SLCO1A2: variants seen among roughly 807,000 people sequenced by gnomAD.
The protein encoded by SLCO1A2 is OATP-1.
In SLCO1A2, 67 loss-of-function variants were observed where a neutral mutation model predicts 69.0. That is an observed-to-expected ratio of 0.97 (90% CI 0.80 to 1.19). The LOEUF (loss-of-function observed/expected upper bound fraction) is 1.19, where lower values mean the gene tolerates loss of function less well. SLCO1A2 is among the 50% of genes most tolerant of loss of function. SLCO1A2 has a pLI of 0.00. For synonymous variants in SLCO1A2, 260 were observed against 265.9 expected, an observed-to-expected ratio of 0.98 and a Z score of 0.22; for missense variants, 787 against 793.7, an observed-to-expected ratio of 0.99 and a Z score of 0.10.
intron 8 of SLCO1A2, among the ~76,000 whole-genome samples, chr12:21,299,949 T>C (rs929307100): frequency 1.5e-4 from 23 of 148,884 alleles, no homozygotes; most frequent in Non-Finnish European, 3.4e-4. Flanking sequence ...CTCTCTCTCA[T>C]ATATATATGT....
rs1198027310 is a variant in SLCO1A2, at chr12:21,314,534, G to C, written c.335+15C>G. ...GAAATTTGACCACCCAAAATTATCA[G>C]ACTGGAGTACTTACTGGTTCATGAG... On this transcript the variant is annotated intron_variant, in intron 4 of 14. Coordinates refer to ENST00000683939, the MANE Select transcript of SLCO1A2 (RefSeq NM_001386879.1). 6.2e-7 allele frequency: 1 copy of C among 1,612,258 alleles called. No homozygotes were observed. Among genetic ancestry groups the C allele is most frequent in the South Asian group, 1.1e-5 (1 of 90,250 alleles).
intron 1 of SLCO1A2, among the ~76,000 whole-genome samples, chr12:21,388,009 T>C (rs1434613520): frequency 2.0e-5 from 3 of 152,200 alleles, no homozygotes; most frequent in South Asian, 2.1e-4. Context: ...TGACTGCCCA[T>C]TGGATTTTAG....
At chr12:21,418,443 G>C (rs1340440550), upstream of SLCO1A2, among the ~76,000 whole-genome samples, 1 of 150,810 alleles carries the variant, frequency 6.6e-6, no homozygotes, top group East Asian at 1.9e-4. Context: ...ACATACCTGA[G>C]ACTGGGTAGG....
chr12:21,391,381 TGTTA>T (rs1294610214), intron 1 of SLCO1A2, among the ~76,000 whole-genome samples: 7 of 152,158 alleles, frequency 4.6e-5, no homozygotes, highest in Non-Finnish European at 8.8e-5. Flanking sequence ...TGAAGTTGTC[TGTTA>T]GTTAAATGGC....
intron 3 of SLCO1A2, among the ~76,000 whole-genome samples, chr12:21,315,587 G>A (rs185444300): frequency 1.3e-5 from 2 of 152,176 alleles, no homozygotes; most frequent in African/African-American, 4.8e-5. Context: ...AATTTTCTAA[G>A]TGGTGTATAT....
intron 8 of SLCO1A2, among the ~76,000 whole-genome samples, chr12:21,299,821 T>C (rs865880199): frequency 7.3e-5 from 10 of 136,238 alleles, no homozygotes; most frequent in South Asian, 2.2e-4. Flanking sequence ...CACACACACA[T>C]ATACACACAC....
intron 2 of SLCO1A2, chr12:21,373,561 A>G: frequency 2.8e-6 from 2 of 724,308 alleles, no homozygotes; most frequent in Non-Finnish European, 2.5e-6. Flanking sequence ...ACCTTCAGCT[A>G]TTCCATTGTT....
chr12:21,400,819 T>C (rs1352671499), intron 1 of SLCO1A2, among the ~76,000 whole-genome samples: 5 of 141,284 alleles, frequency 3.5e-5, no homozygotes, highest in East Asian at 2.1e-4. Flanking sequence ...TAGGTGGGAA[T>C]TGAACAATGA....
At chr12:21,382,022 G>A (rs1940617826) in intron 1 of SLCO1A2, among the ~76,000 whole-genome samples, 1 of 152,162 alleles carries the variant, frequency 6.6e-6, no homozygotes. Flanking sequence ...AAACACACTT[G>A]CACACATATG....
At chr12:21,309,234 A>C (rs940226211) in intron 4 of SLCO1A2, among the ~76,000 whole-genome samples, 5 of 152,224 alleles carry the variant, frequency 3.3e-5, no homozygotes, top group Non-Finnish European at 5.9e-5. Context: ...CCAATATTCA[A>C]GTAATAGAGA....
At chr12:21,354,293 A>G (rs1400663633) in intron 2 of SLCO1A2, among the ~76,000 whole-genome samples, 1 of 152,180 alleles carries the variant, frequency 6.6e-6, no homozygotes, top group Admixed American at 6.5e-5. Flanking sequence ...CATTCAATGA[A>G]CATGTGTTTA....
Position 21,300,576 on chromosome 12 carries a change from A to G in SLCO1A2, c.689-7T>C, listed in dbSNP as rs371398618. 82 of 1,585,642 alleles carry G rather than the reference A, an allele frequency of 5.2e-5. No individual in the cohort carries two copies. In the Admixed American group the frequency reaches 1.4e-3, roughly 27 times the overall value. On this transcript the variant is annotated splice_region_variant and splice_polypyrimidine_tract_variant and intron_variant, in intron 7 of 14. Transcript: ENST00000683939. Reference sequence around the variant, plus strand: ...GGAGTTATGATCAGATCATCTGTAAAAAAATACACACACTGTTATTAGCTT... The same window carrying G: ...GGAGTTATGATCAGATCATCTGTAAGAAAATACACACACTGTTATTAGCTT...
intron 2 of SLCO1A2, among the ~76,000 whole-genome samples, chr12:21,356,522 A>G (rs1438789441): frequency 7.3e-6 from 1 of 136,596 alleles, no homozygotes; most frequent in Non-Finnish European, 1.6e-5. Flanking sequence ...GAGAGAGGTA[A>G]GAAAAAAATG....
chr12:21,397,171 G>C (rs575251452), upstream of SLCO1A2, among the ~76,000 whole-genome samples: 1 of 151,886 alleles, frequency 6.6e-6, no homozygotes, highest in Admixed American at 6.6e-5. Flanking sequence ...TAAAAGGATG[G>C]AGGAAGATCT....
At chr12:21,279,942 TAGG>T (rs1366358335) in intron 12 of SLCO1A2, among the ~76,000 whole-genome samples, 1 of 151,438 alleles carries the variant, frequency 6.6e-6, no homozygotes, top group Non-Finnish European at 1.5e-5. Context: ...TGTTAAAAAT[TAGG>T]AGGACAAAGT....
chr12:21,276,981 C>T (rs1444096318), intron 12 of SLCO1A2, among the ~76,000 whole-genome samples: 1 of 152,216 alleles, frequency 6.6e-6, no homozygotes, highest in Non-Finnish European at 1.5e-5. Flanking sequence ...AGGACTACAA[C>T]TCCTAGGCAA....
intron 2 of SLCO1A2, chr12:21,372,905 G>A (rs901842666): frequency 1.5e-5 from 3 of 198,924 alleles, no homozygotes; most frequent in Non-Finnish European, 2.0e-5. Context: ...AGCAAATGAG[G>A]GGGTAAATAT....
At chr12:21,409,879 A>G (rs374797558) in intron 1 of SLCO1A2, among the ~76,000 whole-genome samples, 14 of 152,250 alleles carry the variant, frequency 9.2e-5, no homozygotes, top group Middle Eastern at 3.4e-3. Context: ...TTTCATCTCA[A>G]TGAGCATTAA....
intron 2 of SLCO1A2, among the ~76,000 whole-genome samples, chr12:21,329,423 C>A (rs1183971382): frequency 2.0e-5 from 3 of 151,834 alleles, no homozygotes; most frequent in Non-Finnish European, 4.4e-5. Flanking sequence ...CCTGATCCAG[C>A]CTTAAGGATC....
Sources: allele counts gnomAD v4.1 joint callset (sites outside exome capture counted in the v4.1 genomes callset), GRCh38; gene constraint gnomAD v4.1.1; transcripts MANE v1.5; gene names NCBI Gene and HGNC (gene_info 2026-07-23, HGNC 2026-07-21).